Variants in PTPRK observed in about 807,000 individuals in gnomAD.
PTPRK encodes the protein protein tyrosine phosphatase receptor type K.
Under a neutral mutation model 178.0 loss-of-function variants are expected in PTPRK, and 75 were observed. The ratio of observed to expected loss-of-function variants is 0.42; its 90% CI spans 0.35 to 0.51. PTPRK has a LOEUF of 0.51. PTPRK is among the 20% of genes least tolerant of loss of function. PTPRK has a pLI of 0.02. For missense variants in PTPRK, 1,441 were observed against 1,797.8 expected (o/e 0.80, Z 3.59); for synonymous variants, 637 against 620.6 (o/e 1.03, Z -0.39).
intron 15 of PTPRK, chr6:128,000,025 C>T (rs538187822): frequency 6.3e-6 from 6 of 954,036 alleles, no homozygotes; most frequent in Non-Finnish European, 7.5e-6. Context: ...GACCGAAGTA[C>T]TAAACATTAC....
At chr6:128,463,173 C>A (rs889466687) in intron 1 of PTPRK, among the ~76,000 whole-genome samples, 2 of 152,056 alleles carry the variant, frequency 1.3e-5, no homozygotes, top group Non-Finnish European at 2.9e-5. Flanking sequence ...GAAAGTGATG[C>A]CCCCTATATG....
chr6:128,043,543 A>G (rs1051716566), intron 13 of PTPRK, among the ~76,000 whole-genome samples: 1 of 152,024 alleles, frequency 6.6e-6, no homozygotes. Flanking sequence ...ATCATACTAT[A>G]AAGCCAATCA....
intron 13 of PTPRK, among the ~76,000 whole-genome samples, chr6:128,031,628 C>T (rs1250272965): frequency 6.6e-6 from 1 of 152,096 alleles, no homozygotes; most frequent in East Asian, 1.9e-4. Context: ...TAACCAAACT[C>T]CAAATCAATT....
chr6:128,205,353 A>T (rs1399587183), intron 6 of PTPRK, among the ~76,000 whole-genome samples: 1 of 151,968 alleles, frequency 6.6e-6, no homozygotes, highest in Non-Finnish European at 1.5e-5. Context: ...TGTGCAGCAA[A>T]CCACCATGGG....
chr6:128,019,066 T>C (rs1773045856), intron 13 of PTPRK, among the ~76,000 whole-genome samples: 1 of 152,104 alleles, frequency 6.6e-6, no homozygotes, highest in African/African-American at 2.4e-5. Context: ...CAGATAGGGC[T>C]CCTCCACAGG....
intron 7 of PTPRK, among the ~76,000 whole-genome samples, chr6:128,132,441 G>A (rs1794397335): frequency 6.6e-6 from 1 of 152,152 alleles, no homozygotes; most frequent in Non-Finnish European, 1.5e-5. Context: ...CAAAGTGCTG[G>A]GCTTATAGGC....
At chr6:128,172,211 A>T (rs1325905220) in intron 7 of PTPRK, among the ~76,000 whole-genome samples, 1 of 151,954 alleles carries the variant, frequency 6.6e-6, no homozygotes. Context: ...AATCACTAAC[A>T]ATTTTCCCTA....
At chr6:128,520,069 G>A (rs762128280) in intron 1 of PTPRK, among the ~76,000 whole-genome samples, 190 bp downstream of exon 1, 19 of 152,276 alleles carry the variant, frequency 1.2e-4, no homozygotes, top group African/African-American at 4.6e-4. Flanking sequence ...GCTTCGGAGA[G>A]GAACAATGGG....
chr6:128,033,150 A>G (rs763990422), intron 13 of PTPRK, among the ~76,000 whole-genome samples: 7 of 152,068 alleles, frequency 4.6e-5, no homozygotes, highest in Non-Finnish European at 8.8e-5. Context: ...AGTTGGTTAT[A>G]CTCCCTGAGT....
At chr6:128,488,133 C>A (rs547701092) in intron 1 of PTPRK, among the ~76,000 whole-genome samples, 50 of 152,148 alleles carry the variant, frequency 3.3e-4, no homozygotes, top group Admixed American at 5.9e-4. Context: ...ATCTGAGAGC[C>A]CCTGGCAAAT....
chr6:128,182,450 T>C (rs1802065720), intron 7 of PTPRK, among the ~76,000 whole-genome samples: 1 of 152,186 alleles, frequency 6.6e-6, no homozygotes, highest in South Asian at 2.1e-4. Context: ...AGCGCATGCC[T>C]GTAATCCCAG....
chr6:127,996,877 A>C, intron 17 of PTPRK, 24 bp downstream of exon 17: 1 of 1,600,796 alleles, frequency 6.2e-7, no homozygotes, highest in Non-Finnish European at 8.5e-7. Context: ...ATTTACATTC[A>C]CCAAGAATTG....
chr6:128,190,490 CTTTTTTTT>C (rs34873441), intron 6 of PTPRK, among the ~76,000 whole-genome samples: 17 of 96,126 alleles, frequency 1.8e-4, no homozygotes, highest in East Asian at 7.5e-4. Flanking sequence ...TGATAGATAC[CTTTTTTTT>C]TTTTTTTTTT....
intron 5 of PTPRK, among the ~76,000 whole-genome samples, chr6:128,220,435 C>T (rs186324556): frequency 2.6e-5 from 4 of 152,292 alleles, no homozygotes; most frequent in African/African-American, 9.6e-5. Context: ...GGTCATGATC[C>T]ACAACCTCAT....
rs78550138 is a variant in PTPRK, at chr6:128,286,600, G to A, written c.495+35439C>T. Among the ~76,000 whole-genome samples the A allele has an allele frequency of 5.9e-3, 900 of 152,108 alleles. 11 individuals carry two copies. The highest frequency in any genetic ancestry group is 0.021 in the African/African-American group (860 of 41,484). On this transcript the variant is annotated intron_variant, in intron 3 of 29. Transcript: ENST00000368226. The stretch of plus-strand genomic sequence containing the variant: ...AGCTGTTTAACATCTTTGCTAGTCC[G>A]GTCATCTCTACCTTTTGCAGGTATG...
In PTPRK at chr6:128,089,561, T is replaced by C. The variant is rs73584669; in HGVS notation, c.1465+129A>G. On this transcript the variant is annotated intron_variant, in intron 8 of 29. Coordinates refer to ENST00000368226, the MANE Select transcript of PTPRK (RefSeq NM_002844.4). Reference sequence around the variant, plus strand: ...AAAGGCAATTTTTTTCCAAAGTTAATCTCATTAATAACATTTAGATGATTT... The same window carrying C: ...AAAGGCAATTTTTTTCCAAAGTTAACCTCATTAATAACATTTAGATGATTT... The C allele has an allele frequency of 7.0e-3, 7,135 of 1,023,288 alleles. 359 individuals carry two copies. The African/African-American group carries it at 0.1, about 15-fold the overall frequency. 63.4% of individuals were successfully genotyped at this position (1,023,288 alleles called of 1,614,324 possible). A position where few individuals can be genotyped will look rare whatever the true frequency, so the allele number is the denominator to read the frequency against.
intron 1 of PTPRK, among the ~76,000 whole-genome samples, chr6:128,434,845 A>AT (rs1351920112): frequency 6.6e-6 from 1 of 151,882 alleles, no homozygotes; most frequent in Non-Finnish European, 1.5e-5. Flanking sequence ...AATAGCAAGA[A>AT]TCTGTCTCTA....
intron 2 of PTPRK, among the ~76,000 whole-genome samples, chr6:128,383,611 G>A (rs769403126): frequency 1.3e-5 from 2 of 152,136 alleles, no homozygotes; most frequent in African/African-American, 2.4e-5. Flanking sequence ...AGAAAGTTGA[G>A]AAAATCATGT....
At chr6:127,983,198 A>C in intron 23 of PTPRK, 44 bp downstream of exon 23, 1 of 1,484,542 alleles carries the variant, frequency 6.7e-7, no homozygotes, top group Non-Finnish European at 9.0e-7. Flanking sequence ...TTTGCAAAAA[A>C]AATAAAAAAT....
Sources: gnomAD v4.1 joint callset for allele counts (sites outside exome capture counted in the v4.1 genomes callset) on GRCh38, gnomAD v4.1.1 for gene constraint, MANE v1.5 for transcripts, NCBI Gene and HGNC (gene_info 2026-07-23, HGNC 2026-07-21) for gene names.